The following MACROD2 variants were observed in gnomAD, a reference collection of about 807,000 sequenced individuals.
MACROD2 encodes mono-ADP ribosylhydrolase 2.
In MACROD2, 36 loss-of-function variants were observed where a neutral mutation model predicts 70.4. The observed-to-expected ratio is 0.51, with a 90% CI of 0.39 to 0.68. MACROD2 has a LOEUF of 0.68. MACROD2 is among the 30% of genes least tolerant of loss of function. MACROD2 has a pLI of 0.00. For missense variants in MACROD2, 496 were observed against 538.4 expected (o/e 0.92, Z 0.78); for synonymous variants, 172 against 178.8 (o/e 0.96, Z 0.30).
intron 5 of MACROD2, among the ~76,000 whole-genome samples, chr20:15,200,202 G>C (rs1208498200): frequency 6.6e-6 from 1 of 152,186 alleles, no homozygotes; most frequent in Admixed American, 6.5e-5. Context: ...TAAAAAACTT[G>C]AGGTTTCAGA....
intron 8 of MACROD2, among the ~76,000 whole-genome samples, chr20:15,845,587 G>A (rs187241824): frequency 6.6e-6 from 1 of 152,106 alleles, no homozygotes; most frequent in Non-Finnish European, 1.5e-5. Flanking sequence ...ATGAATGGGA[G>A]CAAACTAGAT....
chr20:15,168,912 C>T lies in MACROD2; in HGVS notation c.419-61028C>T, dbSNP rs73099411. Among the ~76,000 whole-genome samples the T allele has an allele frequency of 4.2e-3, 640 of 152,148 alleles. 2 individuals carry two copies. Among genetic ancestry groups the T allele is most frequent in the Non-Finnish European group, 7.1e-3 (480 of 67,994 alleles). On this transcript the variant is annotated intron_variant, in intron 5 of 17. Transcript: ENST00000684519. ...GTGAAATAAACCAAATCCAGAAGGA[C>T]AAATATCATATGATTCTACTAATAT...
chr20:15,437,059 T>C (rs1049000428), intron 7 of MACROD2, among the ~76,000 whole-genome samples: 10 of 152,176 alleles, frequency 6.6e-5, no homozygotes, highest in Admixed American at 2.6e-4. Context: ...ACTAGTGCTT[T>C]CAAAATGTGT....
chr20:14,448,985 A>G (rs112484756), intron 3 of MACROD2, among the ~76,000 whole-genome samples: 1,940 of 152,252 alleles, frequency 0.013, 54 homozygotes, highest in African/African-American at 0.045. Flanking sequence ...CAAATCTATA[A>G]TTAAGTCTAC....
At chr20:15,297,750 T>G (rs2077604542) in intron 6 of MACROD2, among the ~76,000 whole-genome samples, 2 of 152,218 alleles carry the variant, frequency 1.3e-5, no homozygotes, top group African/African-American at 2.4e-5. Context: ...TATATGACTT[T>G]GACTTCGTCA....
chr20:14,940,125 A>G (rs1039506625), intron 5 of MACROD2, among the ~76,000 whole-genome samples: 6 of 146,236 alleles, frequency 4.1e-5, no homozygotes, highest in African/African-American at 1.5e-4. Context: ...AGCCTGGGCA[A>G]CATATGGAAA....
intron 6 of MACROD2, among the ~76,000 whole-genome samples, chr20:15,235,217 A>G (rs1454892312): frequency 6.6e-6 from 1 of 152,202 alleles, no homozygotes; most frequent in Admixed American, 6.5e-5. Flanking sequence ...GATTTTACTT[A>G]GGTTAAAAAT....
intron 13 of MACROD2, among the ~76,000 whole-genome samples, chr20:15,970,271 A>G (rs112620306): frequency 6.6e-6 from 1 of 152,186 alleles, no homozygotes; most frequent in African/African-American, 2.4e-5. Context: ...GAAGGAATTA[A>G]GGGCAAGGTA....
chr20:15,585,141 C>T (rs1365117106), intron 8 of MACROD2, among the ~76,000 whole-genome samples: 1 of 152,070 alleles, frequency 6.6e-6, no homozygotes, highest in Non-Finnish European at 1.5e-5. Context: ...CCGTGTGCTC[C>T]ATCTGACTTC....
intron 8 of MACROD2, among the ~76,000 whole-genome samples, chr20:15,522,990 T>C (rs544862011): frequency 6.6e-6 from 1 of 152,260 alleles, no homozygotes; most frequent in South Asian, 2.1e-4. Flanking sequence ...ATGATAAAAA[T>C]CCAACCATTT....
At chr20:15,603,504 C>CAAA (rs35734719) in intron 8 of MACROD2, among the ~76,000 whole-genome samples, 1 of 97,960 alleles carries the variant, frequency 1.0e-5, no homozygotes, top group African/African-American at 3.4e-5. Context: ...TGAGACGTCT[C>CAAA]AAAAAAAAAA....
chr20:15,794,942 A>T (rs2063659545), intron 8 of MACROD2, among the ~76,000 whole-genome samples: 1 of 152,192 alleles, frequency 6.6e-6, no homozygotes, highest in Non-Finnish European at 1.5e-5. Context: ...ATGTTGAATA[A>T]GTAATTAATG....
At chr20:14,543,718 C>G (rs763976942) in intron 4 of MACROD2, among the ~76,000 whole-genome samples, 26 of 152,032 alleles carry the variant, frequency 1.7e-4, no homozygotes, top group Admixed American at 3.3e-4. Flanking sequence ...ATCATTAAGT[C>G]AAAAATTTTA....
intron 3 of MACROD2, among the ~76,000 whole-genome samples, chr20:14,249,216 A>C (rs1268801269): frequency 1.3e-5 from 2 of 148,872 alleles, no homozygotes. Context: ...AATTTGCCAC[A>C]GAAATTTGCT....
intron 5 of MACROD2, among the ~76,000 whole-genome samples, chr20:15,107,915 A>C (rs932152539): frequency 6.6e-6 from 1 of 152,040 alleles, no homozygotes; most frequent in African/African-American, 2.4e-5. Context: ...GCCCAGGTTC[A>C]GCTTGCAGGA....
intron 8 of MACROD2, among the ~76,000 whole-genome samples, chr20:15,602,186 C>T (rs544778061): frequency 6.6e-6 from 1 of 152,126 alleles, no homozygotes; most frequent in Non-Finnish European, 1.5e-5. Context: ...AGCTACCAGC[C>T]TCTATACGGA....
chr20:15,872,234 A>T (rs1035357530), intron 9 of MACROD2, among the ~76,000 whole-genome samples: 1 of 152,148 alleles, frequency 6.6e-6, no homozygotes, highest in African/African-American at 2.4e-5. Context: ...TCTTCTTCTT[A>T]TCTCCTCTCT....
At chr20:15,681,972 C>A (rs977126233) in intron 8 of MACROD2, among the ~76,000 whole-genome samples, 1 of 152,150 alleles carries the variant, frequency 6.6e-6, no homozygotes, top group Non-Finnish European at 1.5e-5. Flanking sequence ...TTCTGAATAG[C>A]CCTTCCAAAA....
chr20:15,397,249 G>A (rs968076833), intron 6 of MACROD2, among the ~76,000 whole-genome samples: 6 of 152,054 alleles, frequency 3.9e-5, no homozygotes, highest in African/African-American at 1.4e-4. Flanking sequence ...CATGTATACT[G>A]TAGATACTAT....
Sources: gnomAD v4.1 joint callset for allele counts (sites outside exome capture counted in the v4.1 genomes callset) on GRCh38, gnomAD v4.1.1 for gene constraint, MANE v1.5 for transcripts, NCBI Gene and HGNC (gene_info 2026-07-23, HGNC 2026-07-21) for gene names.